BTBD9: variants seen among roughly 807,000 people sequenced by gnomAD.
BTBD9 encodes the protein BTB/POZ domain-containing protein 9.
In BTBD9, 49 loss-of-function variants were observed where a neutral mutation model predicts 64.3. The ratio of observed to expected loss-of-function variants is 0.76; its 90% CI spans 0.61 to 0.97. The LOEUF is 0.97. BTBD9 is among the 50% of genes least tolerant of loss of function. The pLI is 0.00. For synonymous variants in BTBD9, 260 were observed against 274.7 expected, an observed-to-expected ratio of 0.95 and a Z score of 0.53; for missense variants, 598 against 762.1, an observed-to-expected ratio of 0.78 and a Z score of 2.53.
chr6:38,219,804 T>C (rs1763137914), intron 9 of BTBD9, among the ~76,000 whole-genome samples: 1 of 152,186 alleles, frequency 6.6e-6, no homozygotes, highest in African/African-American at 2.4e-5. Context: ...CTAAAATACA[T>C]ATACAATTAT....
At chr6:38,401,836 A>T (rs1383425968) in intron 6 of BTBD9, among the ~76,000 whole-genome samples, 1 of 152,194 alleles carries the variant, frequency 6.6e-6, no homozygotes, top group Admixed American at 6.6e-5. Context: ...AATGAGAATA[A>T]TTCATTGTAA....
chr6:38,257,063 CTTTTTT>C (rs745545678), intron 8 of BTBD9, among the ~76,000 whole-genome samples: 1 of 111,382 alleles, frequency 9.0e-6, no homozygotes, highest in Non-Finnish European at 1.9e-5. Flanking sequence ...TTGCACACTT[CTTTTTT>C]TTTTTTTTTT....
intron 8 of BTBD9, among the ~76,000 whole-genome samples, chr6:38,271,028 C>T (rs186103909): frequency 1.3e-5 from 2 of 152,238 alleles, no homozygotes; most frequent in Non-Finnish European, 2.9e-5. Context: ...CTTTTAATTA[C>T]AAAGCGATAT....
At chr6:38,492,768 G>T (rs1486837701) in intron 6 of BTBD9, among the ~76,000 whole-genome samples, 1 of 152,068 alleles carries the variant, frequency 6.6e-6, no homozygotes, top group Non-Finnish European at 1.5e-5. Flanking sequence ...CTGTCAATAT[G>T]CTAATAATAA....
At chr6:38,377,259 T>C (rs373161320) in intron 6 of BTBD9, among the ~76,000 whole-genome samples, 1 of 152,150 alleles carries the variant, frequency 6.6e-6, no homozygotes, top group African/African-American at 2.4e-5. Flanking sequence ...TGCTACCTAA[T>C]ACATTCTTTT....
intron 9 of BTBD9, among the ~76,000 whole-genome samples, chr6:38,208,911 G>T (rs914224151): frequency 6.6e-6 from 1 of 152,180 alleles, no homozygotes; most frequent in African/African-American, 2.4e-5. Context: ...TAGGAGCTAT[G>T]GGAATTAGTG....
At chr6:38,178,516 A>T (rs1358549028) in intron 10 of BTBD9, among the ~76,000 whole-genome samples, 2 of 152,160 alleles carry the variant, frequency 1.3e-5, no homozygotes, top group Non-Finnish European at 2.9e-5. Flanking sequence ...CACATAAGCC[A>T]GGGAGAAGGA....
At chr6:38,293,513 A>G (rs1047552300) in intron 7 of BTBD9, among the ~76,000 whole-genome samples, 2 of 152,166 alleles carry the variant, frequency 1.3e-5, no homozygotes, top group Non-Finnish European at 2.9e-5. Context: ...AAATAATGCC[A>G]CATATCTACA....
Position 38,282,397 on chromosome 6 carries a change from C to T in BTBD9, c.1454+5875G>A, listed in dbSNP as rs979927884. ...GGGAATGAGAAAGAAATGCAAGAGA[C>T]GAAAGAGCTTCCTGTTAAATGGTAA... On this transcript the variant is annotated intron_variant, in intron 8 of 10. Coordinates refer to ENST00000481247, the MANE Select transcript of BTBD9 (RefSeq NM_001099272.2). Among the ~76,000 whole-genome samples, 7 of 152,144 alleles carry T rather than the reference C, an allele frequency of 4.6e-5. No individual in the cohort carries two copies. The South Asian group carries it at 6.2e-4, about 13-fold the overall frequency.
rs548535674 is a variant in BTBD9, at chr6:38,222,334, T to C, written c.1563-29737A>G. On this transcript the variant is annotated intron_variant, in intron 9 of 10. Coordinates refer to ENST00000481247, the MANE Select transcript of BTBD9 (RefSeq NM_001099272.2). ...GGAATGCAGTGGTGCGATCTCGGCT[T>C]ACTGCAAGCTCTGCCTCCCGGGTTC... Among the ~76,000 whole-genome samples, 709 of 143,566 alleles carry C rather than the reference T, an allele frequency of 4.9e-3. 4 individuals are homozygous for C. Among genetic ancestry groups the C allele is most frequent in the Middle Eastern group, 0.019 (5 of 270 alleles). 94.2% of individuals were successfully genotyped at this position (143,566 alleles called of 152,430 possible). A position where few individuals can be genotyped will look rare whatever the true frequency, so the allele number is the denominator to read the frequency against.
intron 6 of BTBD9, among the ~76,000 whole-genome samples, chr6:38,470,084 G>C (rs1770580717): frequency 1.3e-5 from 2 of 152,188 alleles, no homozygotes; most frequent in South Asian, 4.1e-4. Context: ...AGAAAGAAAA[G>C]AGAAGGAAAA....
At chr6:38,245,743 A>G (rs7756174) in intron 9 of BTBD9, among the ~76,000 whole-genome samples, 16,479 of 152,100 alleles carry the variant, frequency 0.11, 1,337 homozygotes, top group East Asian at 0.48. Context: ...TGGAACAGGT[A>G]AGTGATGATG....
intron 4 of BTBD9, among the ~76,000 whole-genome samples, chr6:38,590,263 C>T (rs1776737090): frequency 6.6e-6 from 1 of 151,862 alleles, no homozygotes; most frequent in Non-Finnish European, 1.5e-5. Flanking sequence ...GAAAAAAAAA[C>T]ACATCATAAT....
chr6:38,270,896 C>T (rs1356228341), intron 8 of BTBD9, among the ~76,000 whole-genome samples: 3 of 152,126 alleles, frequency 2.0e-5, no homozygotes, highest in Non-Finnish European at 2.9e-5. Flanking sequence ...CTCTGTCTTG[C>T]TTCACAACTG....
chr6:38,440,433 G>A (rs1046226011), intron 6 of BTBD9, among the ~76,000 whole-genome samples: 5 of 152,116 alleles, frequency 3.3e-5, no homozygotes, highest in Non-Finnish European at 7.3e-5. Flanking sequence ...ACAAGGACTC[G>A]GAAGAGACTA....
chr6:38,189,690 T>C (rs1355983823), intron 10 of BTBD9, among the ~76,000 whole-genome samples: 1 of 151,900 alleles, frequency 6.6e-6, no homozygotes, highest in Non-Finnish European at 1.5e-5. Flanking sequence ...TTTTTTCTTA[T>C]TGAGATGGAG....
At chr6:38,526,473 A>C (rs534023112) in intron 6 of BTBD9, among the ~76,000 whole-genome samples, 44 of 152,342 alleles carry the variant, frequency 2.9e-4, no homozygotes, top group African/African-American at 1.0e-3. Context: ...CCCTACATGG[A>C]GTCCCCACTG....
At chr6:38,586,300 T>C (rs956668507) in intron 4 of BTBD9, among the ~76,000 whole-genome samples, 11 of 152,102 alleles carry the variant, frequency 7.2e-5, no homozygotes, top group African/African-American at 2.4e-4. Flanking sequence ...GTTAATTCTC[T>C]TTCCCCAGCT....
At chr6:38,527,263 CAAAAAAAAAAAAAAAAAAAAAA>C (rs55979438) in intron 6 of BTBD9, among the ~76,000 whole-genome samples, 1 of 53,306 alleles carries the variant, frequency 1.9e-5, no homozygotes, top group Non-Finnish European at 3.0e-5. Context: ...GACTCTGTCT[CAAAAAAAAAAAAAAAAAAAAAA>C]AAAAAAAAAA....
Sources: gnomAD v4.1 joint callset for allele counts (sites outside exome capture counted in the v4.1 genomes callset) on GRCh38, gnomAD v4.1.1 for gene constraint, MANE v1.5 for transcripts, NCBI Gene and HGNC (gene_info 2026-07-23, HGNC 2026-07-21) for gene names.